Variants in CACNG3 observed in about 807,000 individuals in gnomAD.
CACNG3 encodes the protein calcium voltage-gated channel auxiliary subunit gamma 3.
In CACNG3, 3 loss-of-function variants were observed where a neutral mutation model predicts 28.5. That is an observed-to-expected ratio of 0.11 (90% confidence interval 0.05 to 0.27). The LOEUF (loss-of-function observed/expected upper bound fraction) is 0.27. Ranked by LOEUF, CACNG3 falls within the 10% of genes least tolerant of loss-of-function variation. The pLI, the probability that CACNG3 is intolerant of heterozygous loss-of-function variation, is 1.00. For missense variants in CACNG3, 236 were observed against 414.4 expected (o/e 0.57, Z 3.74); for synonymous variants, 174 against 162.2 (o/e 1.07, Z -0.55).
At chr16:24,330,959 A>T (rs921466278) in intron 1 of CACNG3, among the ~76,000 whole-genome samples, 2 of 152,160 alleles carry the variant, frequency 1.3e-5, no homozygotes, top group African/African-American at 2.4e-5. Context: ...GTTTTTTTCC[A>T]TTGCATTTCA....
At chr16:24,293,026 C>T (rs1387321421) in intron 1 of CACNG3, among the ~76,000 whole-genome samples, 1 of 152,228 alleles carries the variant, frequency 6.6e-6, no homozygotes, top group Non-Finnish European at 1.5e-5. Flanking sequence ...CATTCCATCA[C>T]AGACACCTGA....
intron 1 of CACNG3, among the ~76,000 whole-genome samples, chr16:24,331,834 G>T (rs539384543): frequency 2.6e-5 from 4 of 152,234 alleles, no homozygotes; most frequent in African/African-American, 9.6e-5. Context: ...CTGCCTGGAA[G>T]GCTCTTCCCT....
chr16:24,346,717 C>G lies in CACNG3; in HGVS notation c.212-17C>G, dbSNP rs551077857. On this transcript the variant is annotated splice_polypyrimidine_tract_variant and intron_variant, in intron 1 of 3. Coordinates refer to ENST00000005284, the MANE Select transcript of CACNG3 (RefSeq NM_006539.4). ...TGTCTCCTCCCCCAGGCTCAGAACC[C>G]TTATCTGTTTCCACAGGGGCTTTCC... is the stretch of plus-strand genomic sequence containing the variant. 17 of 1,605,212 alleles carry G rather than the reference C, an allele frequency of 1.1e-5. No individual in the cohort carries two copies.
In CACNG3 at chr16:24,361,635, C is replaced by A. The variant is rs192667852; in HGVS notation, c.720C>A (p.Thr240=). The A allele has an allele frequency of 1.2e-6, 2 of 1,613,852 alleles. No homozygotes were observed. The highest frequency in any genetic ancestry group is 2.2e-5 in the South Asian group (2 of 91,034). ...GGAGGCGGTCAAGTTCTCGCTCCAC[C>A]GAGCCCAGATCCCGAGACCTGTCCC... The part of the protein sequence containing the change: ...RFRRRSSSRS[T]EPRSRDLSPI... The change falls in exon 4 of 4, where the codon ACC becomes ACA. Residue 240 remains threonine, a synonymous_variant. Coordinates refer to ENST00000005284, the MANE Select transcript of CACNG3 (RefSeq NM_006539.4). The surrounding 1 kb of genome is among the most constrained non-coding windows in gnomAD (Gnocchi z 6.8).
At position 24,361,949 on chromosome 16, in the gene CACNG3, T is replaced by C; in HGVS notation, c.*86T>C. On this transcript the variant is annotated 3_prime_UTR_variant, in exon 4 of 4. Coordinates refer to ENST00000005284, the MANE Select transcript of CACNG3 (RefSeq NM_006539.4). This position sits in a 1 kb window ranked among gnomAD's most constrained non-coding sequence, Gnocchi z 6.8. ...CTCTGAGGTTGCATGGCATGGTCCT[T>C]GTGATGGTATTACTTTTTACAAAGA... 1 of 1,304,736 alleles carries C rather than the reference T, an allele frequency of 7.7e-7. No homozygotes were observed. Among genetic ancestry groups the C allele is most frequent in the Non-Finnish European group, 1.0e-6 (1 of 955,536 alleles). 80.8% of individuals were successfully genotyped at this position (1,304,736 alleles called of 1,614,324 possible). A position where few individuals can be genotyped will look rare whatever the true frequency, so the allele number is the denominator to read the frequency against.
At chr16:24,333,196 C>T (rs894796268) in intron 1 of CACNG3, among the ~76,000 whole-genome samples, 4 of 152,184 alleles carry the variant, frequency 2.6e-5, no homozygotes, top group Non-Finnish European at 4.4e-5. Context: ...AAAAATTATG[C>T]ATGCCCCAAC....
chr16:24,361,250 C>CT lies in CACNG3; in HGVS notation c.437-101dup. 1.1e-6 allele frequency: 1 copy of CT among 935,250 alleles called. No individual in the cohort carries two copies. The highest frequency in any genetic ancestry group is 1.6e-6 in the Non-Finnish European group (1 of 607,734). The allele number at this position is 935,250 out of a possible 1,614,324, so 57.9% of individuals were successfully genotyped here. ...TCCCAGCTATAATCCATTCTCCTCT[C>CT]TCCCCATTACCTCCACATTTTCTAT... On this transcript the variant is annotated intron_variant, in intron 3 of 3. Coordinates refer to ENST00000005284, the MANE Select transcript of CACNG3 (RefSeq NM_006539.4). The surrounding 1 kb of genome is among the most constrained non-coding windows in gnomAD (Gnocchi z 6.8).
chr16:24,265,092 G>A (rs1265151953), intron 1 of CACNG3, among the ~76,000 whole-genome samples: 1 of 151,912 alleles, frequency 6.6e-6, no homozygotes, highest in African/African-American at 2.4e-5. Context: ...ATACAAAAAA[G>A]TTAGCCAGGT....
intron 1 of CACNG3, among the ~76,000 whole-genome samples, chr16:24,324,221 C>G (rs1899505146): frequency 6.6e-6 from 1 of 152,220 alleles, no homozygotes. Flanking sequence ...AGTGGTGGAT[C>G]TGGGATTTGA....
At chr16:24,346,187 T>A (rs946988277) in intron 1 of CACNG3, among the ~76,000 whole-genome samples, 1 of 152,236 alleles carries the variant, frequency 6.6e-6, no homozygotes, top group African/African-American at 2.4e-5. Context: ...CCCAACATCA[T>A]GCAAAATCTA....
chr16:24,285,399 C>T (rs1181434616), intron 1 of CACNG3, among the ~76,000 whole-genome samples: 2 of 152,006 alleles, frequency 1.3e-5, no homozygotes, highest in African/African-American at 4.8e-5. Flanking sequence ...GTAATAATAC[C>T]CCCTACTCTA....
At chr16:24,312,155 C>T (rs1035403358) in intron 1 of CACNG3, among the ~76,000 whole-genome samples, 3 of 152,122 alleles carry the variant, frequency 2.0e-5, no homozygotes, top group Non-Finnish European at 4.4e-5. Context: ...CACAGTGTGC[C>T]GGTGGGGAAG....
At chr16:24,306,530 C>T (rs1166382153) in intron 1 of CACNG3, among the ~76,000 whole-genome samples, 1 of 152,138 alleles carries the variant, frequency 6.6e-6, no homozygotes, top group Admixed American at 6.5e-5. Context: ...CTCCTTCGCC[C>T]ACTTCTTTGC....
intron 1 of CACNG3, among the ~76,000 whole-genome samples, chr16:24,267,372 C>A (rs115307330): frequency 1.1e-4 from 16 of 152,116 alleles, no homozygotes; most frequent in Non-Finnish European, 2.4e-4. Context: ...ACTGCGGCCT[C>A]GACCTCCTGG....
Position 24,257,098 on chromosome 16 carries a change from G to GTTA in CACNG3, c.211+133_211+134insTTA. On this transcript the variant is annotated intron_variant, in intron 1 of 3. Transcript: ENST00000005284. Reference sequence around the variant, plus strand: ...ATTGCTGAGAATGTGCAGGTGCCCAGACTCTGTTAACAGCAAGACTGACGC... The same window carrying GTTA: ...ATTGCTGAGAATGTGCAGGTGCCCAGTTAACTCTGTTAACAGCAAGACTGACGC... 4.6e-6 allele frequency: 3 copies of GTTA among 657,566 alleles called. No homozygotes were observed. In the South Asian group the frequency reaches 5.5e-5, roughly 12 times the overall value. The allele number at this position is 657,566 out of a possible 1,614,324, so 40.7% of individuals were successfully genotyped here.
intron 1 of CACNG3, among the ~76,000 whole-genome samples, chr16:24,338,645 C>G (rs1899742085): frequency 6.6e-6 from 1 of 152,022 alleles, no homozygotes; most frequent in Admixed American, 6.6e-5. Flanking sequence ...ATGCCCAGCC[C>G]CAGTGTTTTG....
At chr16:24,273,265 A>G (rs1363909526) in intron 1 of CACNG3, among the ~76,000 whole-genome samples, 2 of 152,110 alleles carry the variant, frequency 1.3e-5, no homozygotes, top group Non-Finnish European at 2.9e-5. Context: ...CCTTATCCCT[A>G]CATAATATGT....
At chr16:24,297,063 C>A (rs573058435) in intron 1 of CACNG3, among the ~76,000 whole-genome samples, 1 of 151,954 alleles carries the variant, frequency 6.6e-6, no homozygotes, top group Non-Finnish European at 1.5e-5. Context: ...CCAGCCTGGG[C>A]AACAAAGCGA....
intron 1 of CACNG3, among the ~76,000 whole-genome samples, chr16:24,295,624 A>T (rs574233822): frequency 1.3e-5 from 2 of 152,262 alleles, no homozygotes; most frequent in African/African-American, 4.8e-5. Context: ...AGGAAGGAAG[A>T]TTACTTGAGC....
Sources: gnomAD v4.1 joint callset for allele counts (sites outside exome capture counted in the v4.1 genomes callset) on GRCh38, gnomAD v4.1.1 for gene constraint, Gnocchi (gnomAD v3.1) non-coding constraint, MANE v1.5 for transcripts, NCBI Gene and HGNC (gene_info 2026-07-23, HGNC 2026-07-21) for gene names.